Variants in FRY observed in about 807,000 individuals in gnomAD.
FRY encodes FRY microtubule binding protein, also known as protein furry homolog.
FRY carries 128 observed loss-of-function variants against 348.4 expected under a neutral mutation model. That is an observed-to-expected ratio of 0.37 (90% confidence interval 0.32 to 0.43). The LOEUF (loss-of-function observed/expected upper bound fraction) is 0.43. Among genes scored for constraint, FRY ranks in the 20% least tolerant of loss-of-function variants. The pLI is 1.00. For synonymous variants in FRY, 1,370 were observed against 1,374.7 expected (o/e 1.00, Z 0.08); for missense variants, 2,736 against 3,695.2 (o/e 0.74, Z 6.73).
intron 1 of FRY, among the ~76,000 whole-genome samples, chr13:32,066,150 C>T (rs1874246118): frequency 6.6e-6 from 1 of 152,068 alleles, no homozygotes; most frequent in African/African-American, 2.4e-5. Flanking sequence ...AAACAAGGTC[C>T]ACGTATTACA....
At chr13:32,182,335 TAAAAG>T (rs2138252911) in intron 23 of FRY, among the ~76,000 whole-genome samples, 1 of 152,354 alleles carries the variant, frequency 6.6e-6, no homozygotes, top group Admixed American at 6.5e-5. Context: ...TTTTACTACA[TAAAAG>T]AAAAGGTTTT....
intron 31 of FRY, 43 bp downstream of exon 31, chr13:32,202,570 A>T: frequency 7.2e-7 from 1 of 1,387,510 alleles, no homozygotes; most frequent in Non-Finnish European, 1.0e-6. Context: ...ATCATTTCTA[A>T]TAATGACGTA....
At chr13:32,085,617 CT>C (rs113673177) in intron 2 of FRY, among the ~76,000 whole-genome samples, 3 of 152,146 alleles carry the variant, frequency 2.0e-5, no homozygotes, top group African/African-American at 7.2e-5. Context: ...TGTGGAGCCC[CT>C]GATACACTCC....
At chr13:32,090,120 G>A (rs1438458427) in intron 2 of FRY, among the ~76,000 whole-genome samples, 1 of 151,868 alleles carries the variant, frequency 6.6e-6, no homozygotes, top group Non-Finnish European at 1.5e-5. Flanking sequence ...AGGCCGAGGC[G>A]GGTGGATCAC....
intron 26 of FRY, 25 bp downstream of exon 26, chr13:32,185,173 T>C: frequency 6.2e-7 from 1 of 1,605,712 alleles, no homozygotes; most frequent in Non-Finnish European, 8.5e-7. Context: ...TACAAGAAAT[T>C]ACCATTCATG....
chr13:32,176,068 A>G (rs1882341516), intron 20 of FRY, among the ~76,000 whole-genome samples: 1 of 152,154 alleles, frequency 6.6e-6, no homozygotes, highest in African/African-American at 2.4e-5. Context: ...TTAAGGGGTA[A>G]GTCCACAGTC....
chr13:32,262,888 A>G (rs1460420155), intron 53 of FRY, among the ~76,000 whole-genome samples: 2 of 152,210 alleles, frequency 1.3e-5, no homozygotes, highest in African/African-American at 4.8e-5. Context: ...TTTGTAGGAA[A>G]CAATTATACA....
chr13:32,057,025 T>C (rs886555390), intron 1 of FRY, among the ~76,000 whole-genome samples: 1 of 152,304 alleles, frequency 6.6e-6, no homozygotes. Flanking sequence ...TTTTAAATGG[T>C]GACTTTTCCT....
intron 58 of FRY, among the ~76,000 whole-genome samples, chr13:32,281,229 C>T (rs1025445674): frequency 1.3e-5 from 2 of 152,182 alleles, no homozygotes. Context: ...AAGTACTGTA[C>T]ACACGTAATC....
At chr13:32,055,340 G>A (rs1185340893) in intron 1 of FRY, among the ~76,000 whole-genome samples, 1 of 152,082 alleles carries the variant, frequency 6.6e-6, no homozygotes, top group Non-Finnish European at 1.5e-5. Flanking sequence ...ACCATGCCTG[G>A]CCTAAGATGG....
intron 1 of FRY, among the ~76,000 whole-genome samples, chr13:32,068,899 C>A (rs193248392): frequency 6.7e-6 from 1 of 149,128 alleles, no homozygotes; most frequent in African/African-American, 2.5e-5. Flanking sequence ...TATGGATCCT[C>A]CATGTTCAAT....
chr13:32,185,036 G>A lies in FRY; in HGVS notation c.3207G>A (p.Val1069=). ...TGGGAGCTTTGTTCTTAGAATATGT[G>A]GACTTGACCCGCATGCTCCTAGAAG... ...LALGALFLEY[V]DLTRMLLEAE... is the part of the protein sequence containing the mutation. Residue 1069 remains valine, a synonymous_variant, in exon 26 of 61, where the codon GTG becomes GTA. Transcript: ENST00000542859. 1 of 1,613,576 alleles carries A rather than the reference G, an allele frequency of 6.2e-7. No individual in the cohort carries two copies. Among genetic ancestry groups the A allele is most frequent in the Non-Finnish European group, 8.5e-7 (1 of 1,179,534 alleles).
At chr13:32,063,398 A>G (rs944527315) in intron 1 of FRY, among the ~76,000 whole-genome samples, 1 of 152,212 alleles carries the variant, frequency 6.6e-6, no homozygotes, top group African/African-American at 2.4e-5. Flanking sequence ...TCTAATGCCC[A>G]GATAACAGTA....
chr13:32,208,993 G>C lies in FRY; in HGVS notation c.4159G>C (p.Glu1387Gln). Residue 1387 changes from glutamate (E) to glutamine (Q), a missense_variant, in exon 32 of 61, where the codon GAA becomes CAA. Physicochemically the swap from Glu to Gln is conservative, Grantham distance 29. Transcript: ENST00000542859. ...GTCGAGCCCCAGCAGCCCAGAGGAC[G>C]AAGTCAAGGACCGGGAAGGTGACGT... The part of the protein sequence containing the change: ...PGSSPSSPED[E>Q]VKDREGDVTA... 1 of 1,614,160 alleles carries C rather than the reference G, an allele frequency of 6.2e-7. No homozygotes were observed.
chr13:32,268,063 A>G (rs1473404289), intron 55 of FRY, among the ~76,000 whole-genome samples: 1 of 151,956 alleles, frequency 6.6e-6, no homozygotes, highest in African/African-American at 2.4e-5. Context: ...TGGGATTCCA[A>G]CCCCACTTCC....
chr13:32,064,160 CTG>C (rs1307182099), intron 1 of FRY, among the ~76,000 whole-genome samples: 1 of 152,118 alleles, frequency 6.6e-6, no homozygotes, highest in Non-Finnish European at 1.5e-5. Flanking sequence ...ATGATACAAA[CTG>C]TTAGCAGAGG....
intron 28 of FRY, 70 bp downstream of exon 28, chr13:32,187,726 G>T: frequency 1.2e-6 from 1 of 842,266 alleles, no homozygotes; most frequent in Non-Finnish European, 2.1e-6. Flanking sequence ...TTACTGAGAT[G>T]TGTAAGCATT....
At chr13:32,049,447 G>GTTTA (rs386378728) in intron 1 of FRY, among the ~76,000 whole-genome samples, 1 of 151,938 alleles carries the variant, frequency 6.6e-6, no homozygotes, top group Admixed American at 6.6e-5. Flanking sequence ...TTTTTTGTTT[G>GTTTA]TTTGTTTTTT....
Position 32,261,603 on chromosome 13 carries a change from G to T in FRY, c.7417-13G>T, listed in dbSNP as rs776415577. The T allele has an allele frequency of 8.1e-6, 13 of 1,612,178 alleles. No individual in the cohort carries two copies. The highest frequency in any genetic ancestry group is 3.4e-6 in the Non-Finnish European group (4 of 1,178,264). ...ATTTTGGCATAAAAAACCGGCTGAT[G>T]GTGTGATTTCAGGGTGAGAGTATGG... On this transcript the variant is annotated splice_polypyrimidine_tract_variant and intron_variant, in intron 51 of 60. Coordinates refer to ENST00000542859, the MANE Select transcript of FRY (RefSeq NM_023037.3).
Sources: gnomAD v4.1 joint callset for allele counts (sites outside exome capture counted in the v4.1 genomes callset) on GRCh38, gnomAD v4.1.1 for gene constraint, MANE v1.5 for transcripts, NCBI Gene and HGNC (gene_info 2026-07-23, HGNC 2026-07-21) for gene names.